Variants in MYRFL observed in about 807,000 individuals in gnomAD.
MYRFL encodes myelin regulatory factor-like protein.
Under a neutral mutation model 109.4 loss-of-function variants are expected in MYRFL, and 88 were observed. That is an observed-to-expected ratio of 0.80 (90% CI 0.68 to 0.96). The LOEUF (loss-of-function observed/expected upper bound fraction) is 0.96, where lower values mean the gene tolerates loss of function less well. Among genes scored for constraint, MYRFL ranks in the 40% least tolerant of loss-of-function variants. MYRFL has a pLI of 0.00. For missense variants in MYRFL, 957 were observed against 954.9 expected, an observed-to-expected ratio of 1.00 and a Z score of -0.03; for synonymous variants, 324 against 320.9, an observed-to-expected ratio of 1.01 and a Z score of -0.10.
Position 69,825,281 on chromosome 12 carries a change from TTC to T in MYRFL, c.-236_-235del, listed in dbSNP as rs1202395484. On this transcript the variant is annotated 5_prime_UTR_variant, in exon 1 of 25. An upstream open reading frame in the 5' UTR loses its in-frame stop. Coordinates refer to ENST00000552032, the MANE Select transcript of MYRFL (RefSeq NM_182530.3). Reference sequence around the variant, plus strand: ...AGATGAATTTGCTACCTCTTCCCTCTTCATGAATTTTTTTTAAATGTATGGTT... The same window carrying T: ...AGATGAATTTGCTACCTCTTCCCTCTATGAATTTTTTTTAAATGTATGGTT... 1.5e-6 allele frequency: 1 copy of T among 672,156 alleles called. No homozygotes were observed. The allele number at this position is 672,156 out of a possible 1,614,324, so 41.6% of individuals were successfully genotyped here.
intron 21 of MYRFL, among the ~76,000 whole-genome samples, chr12:69,953,674 G>A (rs1956032588): frequency 6.6e-6 from 1 of 151,908 alleles, no homozygotes; most frequent in African/African-American, 2.4e-5. Context: ...CTAATTGGTG[G>A]GAGGATCTTT....
chr12:69,912,890 A>G (rs1181740726), intron 13 of MYRFL, among the ~76,000 whole-genome samples: 3 of 152,174 alleles, frequency 2.0e-5, no homozygotes, highest in South Asian at 2.1e-4. Context: ...ACTATTTCCC[A>G]TGTGACGATA....
At chr12:69,887,267 T>C (rs960778962) in intron 6 of MYRFL, among the ~76,000 whole-genome samples, 1 of 152,194 alleles carries the variant, frequency 6.6e-6, no homozygotes, top group Non-Finnish European at 1.5e-5. Context: ...AAAACTGGAA[T>C]ATAAACATTC....
At chr12:69,927,980 A>G (rs1955149826) in intron 15 of MYRFL, among the ~76,000 whole-genome samples, 1 of 152,158 alleles carries the variant, frequency 6.6e-6, no homozygotes, top group Non-Finnish European at 1.5e-5. Flanking sequence ...TATTATCTGC[A>G]AGTTTTTGTT....
In MYRFL at chr12:69,879,578, C is replaced by T. The variant is rs577623460; in HGVS notation, c.464+125C>T. 8.5e-6 allele frequency: 5 copies of T among 587,990 alleles called. No individual in the cohort carries two copies. In the Admixed American group the frequency reaches 1.2e-4, roughly 14 times the overall value. 36.4% of individuals were successfully genotyped at this position (587,990 alleles called of 1,614,324 possible). A position where few individuals can be genotyped will look rare whatever the true frequency, so the allele number is the denominator to read the frequency against. On this transcript the variant is annotated intron_variant, in intron 4 of 24. Transcript: ENST00000552032. ...TCCAGGAGATGGCAGTGTTGAGACG[C>T]GTATAGGACATCGCGAGGTCCCAGT...
At chr12:69,932,363 C>A in intron 15 of MYRFL, 150 bp from the exon 16 acceptor site, 1 of 570,884 alleles carries the variant, frequency 1.8e-6, no homozygotes, top group Non-Finnish European at 3.1e-6. Context: ...TTCAGAGAGG[C>A]AGGGAGGAGG....
At chr12:69,873,421 A>G (rs1041169264) in intron 2 of MYRFL, among the ~76,000 whole-genome samples, 1 of 152,238 alleles carries the variant, frequency 6.6e-6, no homozygotes, top group African/African-American at 2.4e-5. Flanking sequence ...TACTATGTCA[A>G]GAATTTTCAA....
rs541244686 is a variant in MYRFL at position 69,853,068 on chromosome 12, G to A, written c.47-2212G>A. Reference sequence around the variant, plus strand: ...TTTTCTGTTCGACAAAACCACCATCGTCATCATGGCCCGTTCTCAATGAGC... The same window carrying A: ...TTTTCTGTTCGACAAAACCACCATCATCATCATGGCCCGTTCTCAATGAGC... On this transcript the variant is annotated intron_variant, in intron 1 of 24. Coordinates refer to ENST00000552032, the MANE Select transcript of MYRFL (RefSeq NM_182530.3). Among the ~76,000 whole-genome samples the A allele has an allele frequency of 4.6e-5, 7 of 152,224 alleles. No individual in the cohort carries two copies. The East Asian group carries it at 5.8e-4, about 13-fold the overall frequency.
Position 69,882,093 on chromosome 12 carries a change from C to T in MYRFL, c.556+1801C>T, listed in dbSNP as rs188411539. 5.3e-5 allele frequency among the ~76,000 whole-genome samples: 8 copies of T among 152,322 alleles called. No homozygotes were observed. The East Asian group carries it at 1.2e-3, about 22-fold the overall frequency. ...AGCTCCATCCTGCGATGGTTTTCTG[C>T]TGCCTGTCCCAGAAAGGTCATTGAT... On this transcript the variant is annotated intron_variant, in intron 5 of 24. Transcript: ENST00000552032.
chr12:69,876,937 T>G (rs1885697608), intron 2 of MYRFL, among the ~76,000 whole-genome samples: 1 of 152,076 alleles, frequency 6.6e-6, no homozygotes. Flanking sequence ...AGTAAACCTT[T>G]CCAACTTCTG....
chr12:69,916,830 C>T (rs915051432), intron 13 of MYRFL, among the ~76,000 whole-genome samples: 5 of 152,090 alleles, frequency 3.3e-5, no homozygotes, highest in African/African-American at 1.2e-4. Context: ...AAAAATATTT[C>T]ATTTTCTCAA....
At chr12:69,933,604 G>GTGTT (rs1471284647) in intron 16 of MYRFL, among the ~76,000 whole-genome samples, 1 of 152,048 alleles carries the variant, frequency 6.6e-6, no homozygotes, top group Non-Finnish European at 1.5e-5. Context: ...TTGTTCCTTA[G>GTGTT]TGTTTTTGCT....
intron 1 of MYRFL, among the ~76,000 whole-genome samples, chr12:69,853,920 A>T (rs1053516864): frequency 1.3e-5 from 2 of 151,658 alleles, no homozygotes; most frequent in African/African-American, 4.9e-5. Flanking sequence ...CCAGGCAGAG[A>T]TGCTCCTCAC....
intron 15 of MYRFL, among the ~76,000 whole-genome samples, chr12:69,930,296 A>G (rs1335006635): frequency 6.6e-6 from 1 of 152,110 alleles, no homozygotes; most frequent in East Asian, 1.9e-4. Context: ...CTTTACTTCC[A>G]CACAGCTCCC....
intron 2 of MYRFL, among the ~76,000 whole-genome samples, chr12:69,875,268 T>C (rs2136330590): frequency 6.6e-6 from 1 of 152,112 alleles, no homozygotes; most frequent in Admixed American, 6.5e-5. Context: ...TTTAAGCCCA[T>C]CTAATAATTT....
intron 13 of MYRFL, among the ~76,000 whole-genome samples, chr12:69,912,686 G>A (rs924336927): frequency 1.3e-5 from 2 of 151,914 alleles, no homozygotes; most frequent in Non-Finnish European, 2.9e-5. Flanking sequence ...TTCACATTTT[G>A]CATATCCATT....
rs1954025214 is a variant in MYRFL at position 69,897,237 on chromosome 12, C to T, written c.1173C>T (p.Ile391=). 1.3e-6 allele frequency: 2 copies of T among 1,535,512 alleles called. No homozygotes were observed. The highest frequency in any genetic ancestry group is 2.4e-5 in the South Asian group (2 of 84,048). Residue 391 remains isoleucine, a synonymous_variant, in exon 10 of 25, where the codon ATC becomes ATT. Coordinates refer to ENST00000552032, the MANE Select transcript of MYRFL (RefSeq NM_182530.3). ...YLLSAHISER[I]IVRASNPGQF... ...TGTCTGCCCACATCTCTGAAAGGAT[C>T]ATTGTAAGGGTAAGCTCAGTTCTCT...
At chr12:69,876,094 AG>A (rs1017815777) in intron 2 of MYRFL, among the ~76,000 whole-genome samples, 1 of 152,204 alleles carries the variant, frequency 6.6e-6, no homozygotes, top group African/African-American at 2.4e-5. Flanking sequence ...CACAGAATCC[AG>A]GGGTCCCCTG....
In MYRFL at chr12:69,886,880, T is replaced by C. The variant is rs1234361637; in HGVS notation, c.617T>C (p.Met206Thr). 2.0e-5 allele frequency: 30 copies of C among 1,535,836 alleles called. No individual in the cohort carries two copies. Among genetic ancestry groups the C allele is most frequent in the Non-Finnish European group, 2.5e-5 (29 of 1,146,746 alleles). The change falls in exon 6 of 25, where the codon ATG becomes ACG. Residue 206 changes from methionine to threonine, a missense_variant. Met to Thr is a moderately conservative substitution (Grantham distance 81). Transcript: ENST00000552032. ...QDPDSEGQNR[M>T]PTDQCSPALK... ...CCTGACAGTGAGGGACAGAACAGAA[T>C]GCCTACAGACCAGTGCTCTCCTGCT... is the stretch of plus-strand genomic sequence containing the variant.
Sources: gnomAD v4.1 joint callset for allele counts (sites outside exome capture counted in the v4.1 genomes callset) on GRCh38, gnomAD v4.1.1 for gene constraint, MANE v1.5 for transcripts, NCBI Gene and HGNC (gene_info 2026-07-23, HGNC 2026-07-21) for gene names.